NUP98: variants seen among roughly 807,000 people sequenced by gnomAD.
NUP98 encodes nucleoporin 98 and 96 precursor.
Under a neutral mutation model 191.9 loss-of-function variants are expected in NUP98, and 26 were observed. The observed-to-expected ratio is 0.14, with a 90% CI of 0.10 to 0.19. NUP98 has a LOEUF of 0.19. NUP98 is among the 10% of genes least tolerant of loss of function. The pLI, the probability that NUP98 is intolerant of heterozygous loss-of-function variation, is 1.00. For synonymous variants in NUP98, 808 were observed against 778.4 expected (o/e 1.04, Z -0.63); for missense variants, 1,941 against 2,178.8 (o/e 0.89, Z 2.17).
chr11:3,791,840 TAA>T (rs148173966), intron 1 of NUP98, among the ~76,000 whole-genome samples: 57 of 112,828 alleles, frequency 5.1e-4, no homozygotes, highest in Admixed American at 6.7e-4. Flanking sequence ...AGACTACATC[TAA>T]AAAAAAAAAA....
chr11:3,732,298 G>C (rs1043197084), intron 13 of NUP98, among the ~76,000 whole-genome samples: 1 of 152,130 alleles, frequency 6.6e-6, no homozygotes. Flanking sequence ...AAATTAAAAT[G>C]TACTAACACA....
intron 1 of NUP98, among the ~76,000 whole-genome samples, chr11:3,782,742 C>G (rs576377693): frequency 1.6e-4 from 24 of 151,974 alleles, no homozygotes; most frequent in African/African-American, 4.6e-4. Flanking sequence ...CAGGGTTTCA[C>G]CATGTTGGCC....
At position 3,736,570 on chromosome 11, in the gene NUP98, G is replaced by A. The variant is rs190844916; in HGVS notation, c.1409-1246C>T. On this transcript the variant is annotated intron_variant, in intron 12 of 32. Coordinates refer to ENST00000324932, the MANE Select transcript of NUP98 (RefSeq NM_016320.5). ...TGGAACCCAGGAAGTGGAGGTTTCA[G>A]TGAGCCGAGATCGCGCCACTGCACT... Among the ~76,000 whole-genome samples, 905 of 152,334 alleles carry A rather than the reference G, an allele frequency of 5.9e-3. 8 individuals carry two copies. The highest frequency in any genetic ancestry group is 0.01 in the Middle Eastern group (3 of 294).
intron 30 of NUP98, 95 bp from the exon 31 acceptor site, chr11:3,679,803 TA>T (rs2077932617): frequency 8.0e-7 from 1 of 1,254,970 alleles, no homozygotes; most frequent in Admixed American, 2.5e-5. Context: ...GAAGGAGAAA[TA>T]ATGTTGGCTG....
chr11:3,792,348 GC>G (rs2082384783), intron 1 of NUP98, among the ~76,000 whole-genome samples: 1 of 152,132 alleles, frequency 6.6e-6, no homozygotes, highest in African/African-American at 2.4e-5. Context: ...TGGGGCTCAT[GC>G]CTGTAATGCC....
chr11:3,789,901 C>T (rs566804446), intron 1 of NUP98, among the ~76,000 whole-genome samples: 1 of 152,290 alleles, frequency 6.6e-6, no homozygotes, highest in East Asian at 1.9e-4. Flanking sequence ...TTCCCTGCCT[C>T]AGCCTCTCGA....
chr11:3,776,048 G>A (rs372987478), intron 4 of NUP98, 27 bp from the exon 5 acceptor site: 20 of 1,566,784 alleles, frequency 1.3e-5, no homozygotes, highest in East Asian at 2.3e-5. Context: ...AAAATGAGAC[G>A]ATAACAGTAA....
chr11:3,746,772 C>T (rs1238987199), intron 11 of NUP98, among the ~76,000 whole-genome samples: 1 of 151,456 alleles, frequency 6.6e-6, no homozygotes, highest in East Asian at 1.9e-4. Context: ...ATTAGCTGGT[C>T]GTGGTGGCAC....
intron 1 of NUP98, among the ~76,000 whole-genome samples, chr11:3,793,391 G>C (rs1279835476): frequency 1.3e-5 from 2 of 151,854 alleles, no homozygotes; most frequent in African/African-American, 2.4e-5. Flanking sequence ...CTGGGTTCAA[G>C]CGATTCTCTG....
At chr11:3,709,632 A>G (rs1385313952) in intron 20 of NUP98, among the ~76,000 whole-genome samples, 1 of 151,600 alleles carries the variant, frequency 6.6e-6, no homozygotes, top group Non-Finnish European at 1.5e-5. Context: ...CTTGGTCCCA[A>G]GAGTTCAACC....
At chr11:3,784,605 A>AAC (rs1554904743) in intron 1 of NUP98, among the ~76,000 whole-genome samples, 2,709 of 141,474 alleles carry the variant, frequency 0.019, 97 homozygotes, top group African/African-American at 0.049. Flanking sequence ...ACAAAAAAAA[A>AAC]CAAAAAACAT....
chr11:3,725,794 T>C (rs898209260), intron 14 of NUP98, among the ~76,000 whole-genome samples: 1 of 152,172 alleles, frequency 6.6e-6, no homozygotes, highest in African/African-American at 2.4e-5. Context: ...CGATCACAAA[T>C]ACCTAAAAAG....
chr11:3,676,460 A>T, intron 32 of NUP98, 49 bp downstream of exon 32: 2 of 1,604,256 alleles, frequency 1.2e-6, no homozygotes, highest in Non-Finnish European at 1.7e-6. Context: ...TAATAATCAT[A>T]AAAACAGGAA....
At chr11:3,736,974 T>C (rs1050746083) in intron 12 of NUP98, among the ~76,000 whole-genome samples, 27 of 152,176 alleles carry the variant, frequency 1.8e-4, no homozygotes, top group East Asian at 1.3e-3. Flanking sequence ...CTGTTATCAA[T>C]TGCAGAGAAT....
At chr11:3,762,310 C>T (rs1014925774) in intron 9 of NUP98, among the ~76,000 whole-genome samples, 4 of 151,018 alleles carry the variant, frequency 2.6e-5, no homozygotes, top group Admixed American at 1.3e-4. Flanking sequence ...TTAGGAGAGA[C>T]GGGGTTTCAC....
intron 11 of NUP98, 55 bp downstream of exon 11, chr11:3,753,261 A>C (rs951898602): frequency 1.4e-6 from 2 of 1,402,448 alleles, no homozygotes; most frequent in African/African-American, 2.8e-5. Flanking sequence ...CAAGTTCCAG[A>C]AACTAGAAAG....
At chr11:3,739,190 A>G (rs1487849033) in intron 12 of NUP98, among the ~76,000 whole-genome samples, 1 of 152,224 alleles carries the variant, frequency 6.6e-6, no homozygotes, top group Non-Finnish European at 1.5e-5. Flanking sequence ...ATGGCATATT[A>G]CAATAATTTA....
chr11:3,766,557 T>C (rs970179851), intron 8 of NUP98, among the ~76,000 whole-genome samples: 1 of 151,598 alleles, frequency 6.6e-6, no homozygotes, highest in Non-Finnish European at 1.5e-5. Context: ...GGTATGGTGG[T>C]GCATGCCTGC....
chr11:3,769,796 G>C (rs753737148), intron 7 of NUP98, among the ~76,000 whole-genome samples: 6 of 151,822 alleles, frequency 4.0e-5, no homozygotes, highest in Non-Finnish European at 8.8e-5. Context: ...TGTAATCCCA[G>C]CACTTTGAGA....
Sources: allele counts gnomAD v4.1 joint callset (sites outside exome capture counted in the v4.1 genomes callset), GRCh38; gene constraint gnomAD v4.1.1; transcripts MANE v1.5; gene names NCBI Gene and HGNC (gene_info 2026-07-23, HGNC 2026-07-21).